Variants in IQCK observed in about 807,000 individuals in gnomAD.
IQCK encodes IQ motif containing K.
Under a neutral mutation model 28.1 loss-of-function variants are expected in IQCK, and 29 were observed. The observed-to-expected ratio is 1.03, with a 90% confidence interval of 0.77 to 1.41. The LOEUF (loss-of-function observed/expected upper bound fraction) is 1.41, where lower values mean the gene tolerates loss of function less well. IQCK is among the 40% of genes most tolerant of loss of function. The probability of loss-of-function intolerance (pLI) is 0.00; values close to 1 mark genes in which losing one functional copy is unlikely to be tolerated. For missense variants in IQCK, 359 were observed against 314.7 expected (o/e 1.14, Z -1.07); for synonymous variants, 113 against 115.1 (o/e 0.98, Z 0.12).
chr16:19,735,109 A>G (rs1233757165), intron 3 of IQCK, among the ~76,000 whole-genome samples: 1 of 152,132 alleles, frequency 6.6e-6, no homozygotes, highest in Non-Finnish European at 1.5e-5. Flanking sequence ...GGCCATAACA[A>G]GCTGGTGGAC....
chr16:19,762,700 C>A (rs1007934746), intron 4 of IQCK, among the ~76,000 whole-genome samples: 24 of 152,086 alleles, frequency 1.6e-4, no homozygotes, highest in African/African-American at 5.3e-4. Flanking sequence ...GGATGCCAAA[C>A]CCCCGTGCAG....
At chr16:19,772,919 C>G (rs983958270) in intron 6 of IQCK, among the ~76,000 whole-genome samples, 19 of 152,126 alleles carry the variant, frequency 1.2e-4, no homozygotes, top group African/African-American at 4.6e-4. Context: ...GGCAGTATCA[C>G]TTGAGCCCCA....
At chr16:19,813,055 G>C (rs1368430993) in intron 7 of IQCK, among the ~76,000 whole-genome samples, 2 of 152,234 alleles carry the variant, frequency 1.3e-5, no homozygotes, top group Non-Finnish European at 2.9e-5. Context: ...CCCAGGTGAT[G>C]CTGATATTTC....
chr16:19,736,491 C>T (rs1414144203), intron 4 of IQCK, among the ~76,000 whole-genome samples: 7 of 151,988 alleles, frequency 4.6e-5, no homozygotes, highest in East Asian at 1.9e-4. Flanking sequence ...CGGTAGAAAC[C>T]GAGTTCCGAT....
intron 9 of IQCK, among the ~76,000 whole-genome samples, chr16:19,846,731 T>C (rs923566187): frequency 6.6e-6 from 1 of 152,186 alleles, no homozygotes; most frequent in South Asian, 2.1e-4. Flanking sequence ...GCTACTGACA[T>C]TTACGCCCTG....
chr16:19,830,184 C>G (rs185385382), downstream of IQCK, among the ~76,000 whole-genome samples: 1 of 152,288 alleles, frequency 6.6e-6, no homozygotes, highest in Admixed American at 6.5e-5. Flanking sequence ...CAGCACAGGC[C>G]TCTGTTCCAT....
intron 6 of IQCK, among the ~76,000 whole-genome samples, chr16:19,773,588 C>A (rs2055346203): frequency 6.6e-6 from 1 of 152,200 alleles, no homozygotes; most frequent in African/African-American, 2.4e-5. Flanking sequence ...CAGACAGTCT[C>A]TCAGCTACTC....
chr16:19,752,209 G>A (rs952021220), intron 4 of IQCK, among the ~76,000 whole-genome samples: 3 of 152,166 alleles, frequency 2.0e-5, no homozygotes, highest in Non-Finnish European at 4.4e-5. Flanking sequence ...GAACACGAGC[G>A]ATCAGAATTT....
downstream of IQCK, among the ~76,000 whole-genome samples, chr16:19,831,259 C>CAT (rs946789509): frequency 5.9e-5 from 9 of 152,208 alleles, no homozygotes; most frequent in African/African-American, 1.7e-4. Flanking sequence ...TGGAACATGA[C>CAT]ATATGACCTG....
At chr16:19,746,420 T>C (rs1474005488) in intron 4 of IQCK, among the ~76,000 whole-genome samples, 4 of 152,188 alleles carry the variant, frequency 2.6e-5, no homozygotes, top group African/African-American at 9.6e-5. Context: ...TATCAAATAG[T>C]AGGTCTTAGT....
chr16:19,767,147 C>T (rs561814692), intron 6 of IQCK, among the ~76,000 whole-genome samples: 1 of 152,280 alleles, frequency 6.6e-6, no homozygotes, highest in Non-Finnish European at 1.5e-5. Flanking sequence ...GGTTGTCGGG[C>T]TCCCACCCGA....
chr16:19,831,025 A>G (rs2056226238), downstream of IQCK, among the ~76,000 whole-genome samples: 1 of 152,324 alleles, frequency 6.6e-6, no homozygotes, highest in Non-Finnish European at 1.5e-5. Flanking sequence ...TGGTCTGAAC[A>G]TATTTAGGGG....
intron 3 of IQCK, chr16:19,734,031 A>C (rs1977926394): frequency 4.0e-6 from 2 of 503,698 alleles, no homozygotes; most frequent in Non-Finnish European, 6.9e-6. Flanking sequence ...AATAAGTAAC[A>C]AAAAGCATAC....
At chr16:19,763,344 A>G (rs998192570) in intron 4 of IQCK, among the ~76,000 whole-genome samples, 1 of 152,182 alleles carries the variant, frequency 6.6e-6, no homozygotes, top group African/African-American at 2.4e-5. Context: ...CAGGTTTAGT[A>G]GGCTGAGAAG....
At chr16:19,739,859 G>A (rs1421118000) in intron 4 of IQCK, among the ~76,000 whole-genome samples, 1 of 151,566 alleles carries the variant, frequency 6.6e-6, no homozygotes, top group South Asian at 2.1e-4. Context: ...TGCCCGTTGT[G>A]CGTCAGCACT....
At chr16:19,805,127 A>C (rs1188357890) in intron 7 of IQCK, among the ~76,000 whole-genome samples, 1 of 152,096 alleles carries the variant, frequency 6.6e-6, no homozygotes. Flanking sequence ...CCAGCCAACC[A>C]GGTGAGCCAG....
At chr16:19,739,213 A>G (rs1442854815) in intron 4 of IQCK, among the ~76,000 whole-genome samples, 2 of 152,248 alleles carry the variant, frequency 1.3e-5, no homozygotes, top group African/African-American at 4.8e-5. Context: ...TTTTCCTCAT[A>G]TTGCTTTGTC....
intron 3 of IQCK, 98 bp downstream of exon 3, chr16:19,733,925 C>A: frequency 9.1e-7 from 1 of 1,103,490 alleles, no homozygotes; most frequent in South Asian, 1.6e-5. Flanking sequence ...TCAGGGAGAC[C>A]ACATACATAA....
intron 1 of IQCK, among the ~76,000 whole-genome samples, chr16:19,722,304 C>T (rs1410929986): frequency 3.3e-5 from 5 of 152,172 alleles, no homozygotes; most frequent in Admixed American, 6.5e-5. Flanking sequence ...GCTCTCACCC[C>T]GCTACTCGCC....
Sources: gnomAD v4.1 joint callset for allele counts (sites outside exome capture counted in the v4.1 genomes callset) on GRCh38, gnomAD v4.1.1 for gene constraint, MANE v1.5 for transcripts, NCBI Gene and HGNC (gene_info 2026-07-23, HGNC 2026-07-21) for gene names.